ADAMTS19: variants seen among roughly 807,000 people sequenced by gnomAD.
ADAMTS19 encodes the protein ADAM metallopeptidase with thrombospondin type 1 motif 19.
In ADAMTS19, 93 loss-of-function variants were observed where a neutral mutation model predicts 153.3. That is an observed-to-expected ratio of 0.61 (90% CI 0.51 to 0.72). The LOEUF is 0.72. Ranked by LOEUF, ADAMTS19 falls within the 30% of genes least tolerant of loss-of-function variation. The pLI, the probability that ADAMTS19 is intolerant of heterozygous loss-of-function variation, is 0.00. For missense variants in ADAMTS19, 1,482 were observed against 1,552.1 expected, an observed-to-expected ratio of 0.95 and a Z score of 0.76; for synonymous variants, 600 against 556.6, an observed-to-expected ratio of 1.08 and a Z score of -1.10.
At chr5:129,615,322 T>G (rs1472033076) in intron 8 of ADAMTS19, among the ~76,000 whole-genome samples, 1 of 151,998 alleles carries the variant, frequency 6.6e-6, no homozygotes, top group African/African-American at 2.4e-5. Context: ...CAGATTGATA[T>G]CAGTTTACAG....
intron 10 of ADAMTS19, among the ~76,000 whole-genome samples, chr5:129,631,160 G>GGTTT (rs374691667): frequency 7.8e-6 from 1 of 127,702 alleles, no homozygotes. Flanking sequence ...AAAATTTTAG[G>GGTTT]TTTTTTTTTT....
At position 129,624,063 on chromosome 5, in the gene ADAMTS19, C is replaced by T. The variant is rs1404834928; in HGVS notation, c.1770+1715C>T. Among the ~76,000 whole-genome samples the T allele has an allele frequency of 2.3e-5, 3 of 129,406 alleles. No individual in the cohort carries two copies. In the Admixed American group the frequency reaches 2.8e-4, roughly 12 times the overall value. The allele number at this position is 129,406 out of a possible 152,430, so 84.9% of individuals were successfully genotyped here. On this transcript the variant is annotated intron_variant, in intron 10 of 22. Coordinates refer to ENST00000274487, the MANE Select transcript of ADAMTS19 (RefSeq NM_133638.6). Reference sequence around the variant, plus strand: ...AATGGTGTGAACCTGGGAGGTGGAGCTTGCAGTGAGCCGAGAACGCGCCAC... The same window carrying T: ...AATGGTGTGAACCTGGGAGGTGGAGTTTGCAGTGAGCCGAGAACGCGCCAC...
chr5:129,545,936 C>T (rs4276452), intron 6 of ADAMTS19, among the ~76,000 whole-genome samples: 56,525 of 141,978 alleles, frequency 0.4, 11,724 homozygotes, highest in African/African-American at 0.55. Context: ...CACATGCACA[C>T]GTATGTTTAT....
At chr5:129,534,954 A>G (rs1752359091) in intron 6 of ADAMTS19, among the ~76,000 whole-genome samples, 1 of 152,212 alleles carries the variant, frequency 6.6e-6, no homozygotes, top group South Asian at 2.1e-4. Context: ...CACAGCCAAT[A>G]TCATACTGAA....
chr5:129,468,126 T>C (rs904890186), intron 2 of ADAMTS19, among the ~76,000 whole-genome samples: 37 of 152,184 alleles, frequency 2.4e-4, no homozygotes, highest in Non-Finnish European at 4.4e-4. Flanking sequence ...GCTAAATATA[T>C]AGGATTCTGT....
intron 8 of ADAMTS19, among the ~76,000 whole-genome samples, chr5:129,601,672 T>C (rs528152803): frequency 4.6e-5 from 7 of 152,324 alleles, no homozygotes; most frequent in African/African-American, 1.7e-4. Context: ...AAGCTTCCAG[T>C]TGTTCTGTCC....
intron 6 of ADAMTS19, among the ~76,000 whole-genome samples, chr5:129,535,425 T>A (rs1294194970): frequency 6.6e-6 from 1 of 152,082 alleles, no homozygotes; most frequent in Non-Finnish European, 1.5e-5. Flanking sequence ...TACAAACAAA[T>A]GGAAGAACAT....
chr5:129,475,974 A>G (rs1279717047), intron 2 of ADAMTS19, among the ~76,000 whole-genome samples: 1 of 152,242 alleles, frequency 6.6e-6, no homozygotes, highest in Non-Finnish European at 1.5e-5. Context: ...AGTTTTCTGA[A>G]ATTCCATTTT....
At chr5:129,696,023 G>A (rs1192347444) in intron 19 of ADAMTS19, among the ~76,000 whole-genome samples, 2 of 152,150 alleles carry the variant, frequency 1.3e-5, no homozygotes, top group Non-Finnish European at 2.9e-5. Flanking sequence ...GAGGAACAAA[G>A]TTGCTAATTA....
chr5:129,603,051 A>G (rs939801706), intron 8 of ADAMTS19, among the ~76,000 whole-genome samples: 32 of 151,132 alleles, frequency 2.1e-4, no homozygotes, highest in Admixed American at 6.6e-5. Context: ...CTTGACGTGA[A>G]AAAAAAAAGC....
At chr5:129,616,483 A>G (rs1377152180) in intron 8 of ADAMTS19, among the ~76,000 whole-genome samples, 1 of 152,042 alleles carries the variant, frequency 6.6e-6, no homozygotes, top group African/African-American at 2.4e-5. Context: ...TGAATTCATA[A>G]GGCTTCTCCT....
chr5:129,681,656 C>T (rs887928019), intron 17 of ADAMTS19, among the ~76,000 whole-genome samples: 1 of 152,098 alleles, frequency 6.6e-6, no homozygotes, highest in Non-Finnish European at 1.5e-5. Flanking sequence ...TATGCTACCT[C>T]GCTGACACAG....
At chr5:129,719,194 C>G (rs1278171204) in intron 21 of ADAMTS19, among the ~76,000 whole-genome samples, 2 of 152,064 alleles carry the variant, frequency 1.3e-5, no homozygotes, top group African/African-American at 2.4e-5. Flanking sequence ...TTTTCTGCCT[C>G]CTCTTTGGTA....
intron 1 of ADAMTS19, 142 bp from the exon 2 acceptor site, chr5:129,460,960 G>T: frequency 8.4e-7 from 1 of 1,196,530 alleles, no homozygotes; most frequent in Non-Finnish European, 1.1e-6. Flanking sequence ...TTCTGGGGTT[G>T]CAGAGTTTCA....
Position 129,461,527 on chromosome 5 carries a change from C to T in ADAMTS19, c.517C>T (p.Leu173=). 1 of 1,527,324 alleles carries T rather than the reference C, an allele frequency of 6.5e-7. No individual in the cohort carries two copies. Among genetic ancestry groups the T allele is most frequent in the African/African-American group, 1.4e-5 (1 of 71,820 alleles). 94.6% of individuals were successfully genotyped at this position (1,527,324 alleles called of 1,614,324 possible). The change falls in exon 2 of 23, where the codon CTG becomes TTG. Residue 173 remains leucine, a synonymous_variant. Transcript: ENST00000274487. This position sits in a 1 kb window ranked among gnomAD's most constrained non-coding sequence, Gnocchi z 4.6. The part of the protein sequence containing the change: ...HAEPDGDEVL[L]RIPAFSRDLY... ...CGAGCCGGATGGCGACGAAGTGTTG[C>T]TGCGGATCCCGGCCTTCTCTCGGGA... is the stretch of plus-strand genomic sequence containing the variant.
rs758618433 is a variant in ADAMTS19 at position 129,694,805 on chromosome 5, C to T, written c.2904C>T (p.Thr968=). The change falls in exon 19 of 23, where the codon ACC becomes ACT. Residue 968 remains threonine (T), a synonymous_variant. Coordinates refer to ENST00000274487, the MANE Select transcript of ADAMTS19 (RefSeq NM_133638.6). ...ACAATGAGAAATGCAAATACTTAACCAAGCCAGAGCCACAGATTCGAAAGT... is the reference window on the plus strand; with the variant it reads ...ACAATGAGAAATGCAAATACTTAACTAAGCCAGAGCCACAGATTCGAAAGT... ...IVDNEKCKYL[T]KPEPQIRKCN... 3.7e-6 allele frequency: 6 copies of T among 1,603,648 alleles called. No individual in the cohort carries two copies. The highest frequency in any genetic ancestry group is 5.1e-6 in the Non-Finnish European group (6 of 1,174,764).
intron 8 of ADAMTS19, among the ~76,000 whole-genome samples, chr5:129,612,836 G>A (rs1054727513): frequency 6.6e-6 from 1 of 151,826 alleles, no homozygotes; most frequent in African/African-American, 2.4e-5. Context: ...ATAAAGGGAT[G>A]GAGGAGATCT....
At chr5:129,551,681 A>T (rs1233829676) in intron 6 of ADAMTS19, among the ~76,000 whole-genome samples, 183 bp from the exon 7 acceptor site, 1 of 151,810 alleles carries the variant, frequency 6.6e-6, no homozygotes. Context: ...ATCATGTGCT[A>T]TAAAATTTAA....
At position 129,723,347 on chromosome 5, in the gene ADAMTS19, T is replaced by A. The variant is rs555306486; in HGVS notation, c.3313-11585T>A. Among the ~76,000 whole-genome samples, 292 of 152,294 alleles carry A rather than the reference T, an allele frequency of 1.9e-3. 3 individuals are homozygous for A. The highest frequency in any genetic ancestry group is 6.0e-3 in the African/African-American group (250 of 41,584). ...CGGCTCTTATTACCTGGCATAAGAATGGCAGGTAATAATGTAGGAAATGGC... is the reference window on the plus strand; with the variant it reads ...CGGCTCTTATTACCTGGCATAAGAAAGGCAGGTAATAATGTAGGAAATGGC... On this transcript the variant is annotated intron_variant, in intron 21 of 22. Transcript: ENST00000274487.
Sources: gnomAD v4.1 joint callset for allele counts (sites outside exome capture counted in the v4.1 genomes callset) on GRCh38, gnomAD v4.1.1 for gene constraint, Gnocchi (gnomAD v3.1) non-coding constraint, MANE v1.5 for transcripts, NCBI Gene and HGNC (gene_info 2026-07-23, HGNC 2026-07-21) for gene names.